The following KDM4C variants were observed in gnomAD, a reference collection of about 807,000 sequenced individuals.
The protein encoded by KDM4C is lysine demethylase 4C.
Under a neutral mutation model 129.3 loss-of-function variants are expected in KDM4C, and 81 were observed. That is an observed-to-expected ratio of 0.63 (90% CI 0.52 to 0.75). KDM4C has a LOEUF of 0.75. KDM4C is among the 30% of genes least tolerant of loss of function. The probability of loss-of-function intolerance (pLI) is 0.00; values close to 1 mark genes in which losing one functional copy is unlikely to be tolerated. For missense variants in KDM4C, 1,457 were observed against 1,304.0 expected, an observed-to-expected ratio of 1.12 and a Z score of -1.81; for synonymous variants, 573 against 456.1, an observed-to-expected ratio of 1.26 and a Z score of -3.26.
chr9:7,173,545 C>T (rs916405506), intron 21 of KDM4C, among the ~76,000 whole-genome samples: 5 of 152,144 alleles, frequency 3.3e-5, no homozygotes, highest in Admixed American at 3.3e-4. Context: ...GTTGGAGGTA[C>T]AGCATTTATT....
intron 8 of KDM4C, among the ~76,000 whole-genome samples, chr9:6,904,693 G>A (rs1206193858): frequency 6.6e-6 from 1 of 152,162 alleles, no homozygotes; most frequent in Non-Finnish European, 1.5e-5. Context: ...TTTACTGAAT[G>A]ACAGCATTTA....
intron 19 of KDM4C, among the ~76,000 whole-genome samples, chr9:7,146,094 T>C (rs985283761): frequency 2.0e-5 from 3 of 152,224 alleles, no homozygotes; most frequent in African/African-American, 7.2e-5. Flanking sequence ...ATTAAAATCA[T>C]GTTTTCAAAG....
intron 8 of KDM4C, among the ~76,000 whole-genome samples, chr9:6,965,737 A>T (rs112010071): frequency 0.011 from 1,674 of 152,288 alleles, 12 homozygotes; most frequent in Non-Finnish European, 0.016. Context: ...GTCTCATTCC[A>T]AGGCCCTTTC....
chr9:7,028,719 C>T lies in KDM4C; in HGVS notation c.2259+12790C>T, dbSNP rs1587036404. Among the ~76,000 whole-genome samples the T allele has an allele frequency of 2.6e-5, 4 of 152,130 alleles. No individual in the cohort carries two copies. In the East Asian group the frequency reaches 5.8e-4, roughly 22 times the overall value. On this transcript the variant is annotated intron_variant, in intron 15 of 21. Transcript: ENST00000381309. ...TTTCGCACCCCAGAGTACTCTAGCCCGTGGTGGCAAGGCTTGCTGGAACTG... is the reference window on the plus strand; with the variant it reads ...TTTCGCACCCCAGAGTACTCTAGCCTGTGGTGGCAAGGCTTGCTGGAACTG...
intron 8 of KDM4C, among the ~76,000 whole-genome samples, chr9:6,902,256 C>T (rs774856870): frequency 1.3e-5 from 2 of 152,142 alleles, no homozygotes; most frequent in Non-Finnish European, 2.9e-5. Context: ...ATTGTGCCCA[C>T]ATATTTCATG....
At chr9:7,082,111 G>A (rs1301364591) in intron 17 of KDM4C, among the ~76,000 whole-genome samples, 3 of 152,134 alleles carry the variant, frequency 2.0e-5, no homozygotes, top group Admixed American at 6.5e-5. Context: ...AGATTCTGCC[G>A]TGCCTCCAGG....
intron 8 of KDM4C, among the ~76,000 whole-genome samples, chr9:6,926,905 G>A (rs1822677110): frequency 6.6e-6 from 1 of 152,072 alleles, no homozygotes; most frequent in African/African-American, 2.4e-5. Context: ...TCATAAACAT[G>A]TCGAAGCTAT....
chr9:6,965,360 T>G (rs1830773543), intron 8 of KDM4C, among the ~76,000 whole-genome samples: 1 of 151,940 alleles, frequency 6.6e-6, no homozygotes, highest in Admixed American at 6.6e-5. Context: ...TATAGAGAGA[T>G]ATATATGACT....
At chr9:6,982,005 T>C (rs1816845626) in intron 9 of KDM4C, 1 of 154,218 alleles carries the variant, frequency 6.5e-6, no homozygotes, top group Non-Finnish European at 1.5e-5. Flanking sequence ...TATAATATTA[T>C]ATATCTTTCC....
At chr9:6,933,277 C>T (rs1589176929) in intron 8 of KDM4C, among the ~76,000 whole-genome samples, 2 of 152,064 alleles carry the variant, frequency 1.3e-5, no homozygotes, top group Admixed American at 1.3e-4. Flanking sequence ...GTTCTAAGCC[C>T]CTTGGTTTTT....
At chr9:7,043,604 C>T (rs186765320) in intron 15 of KDM4C, among the ~76,000 whole-genome samples, 28 of 151,864 alleles carry the variant, frequency 1.8e-4, no homozygotes, top group South Asian at 4.2e-4. Flanking sequence ...ATGTTTTTAC[C>T]AGATCAACTA....
At chr9:7,080,622 G>C (rs754580730) in intron 17 of KDM4C, among the ~76,000 whole-genome samples, 1 of 152,128 alleles carries the variant, frequency 6.6e-6, no homozygotes, top group South Asian at 2.1e-4. Context: ...GACTGCCTTT[G>C]TCTATTGGGT....
rs140044111 is a variant in KDM4C, at chr9:6,774,620, G to A, written c.-18+16417G>A. On this transcript the variant is annotated intron_variant, in intron 1 of 21. Transcript: ENST00000381309. ...GTGGAGATTGCAGTAAGCTGAGACTGTGCTACCGCACTCCAGCATGGGTGA... is the reference window on the plus strand; with the variant it reads ...GTGGAGATTGCAGTAAGCTGAGACTATGCTACCGCACTCCAGCATGGGTGA... 1.9e-3 allele frequency among the ~76,000 whole-genome samples: 293 copies of A among 152,220 alleles called. 3 individuals carry two copies. Among genetic ancestry groups the A allele is most frequent in the African/African-American group, 5.7e-3 (235 of 41,544 alleles).
intron 5 of KDM4C, among the ~76,000 whole-genome samples, chr9:6,865,812 G>T (rs141031685): frequency 6.6e-6 from 1 of 151,708 alleles, no homozygotes; most frequent in Admixed American, 6.6e-5. Context: ...GTGCAGTGGC[G>T]CAATCTCTGC....
intron 17 of KDM4C, among the ~76,000 whole-genome samples, chr9:7,099,271 A>G (rs4742310): frequency 0.36 from 54,306 of 152,140 alleles, 9,981 homozygotes; most frequent in Middle Eastern, 0.52. Flanking sequence ...AAAAGGGGGA[A>G]GGAGATGTGC....
At chr9:6,985,063 C>T in intron 10 of KDM4C, among the ~76,000 whole-genome samples, 1 of 152,178 alleles carries the variant, frequency 6.6e-6, no homozygotes, top group East Asian at 1.9e-4. Context: ...TGGGATTCCC[C>T]CCTCCGCCAG....
intron 17 of KDM4C, among the ~76,000 whole-genome samples, chr9:7,102,518 G>A (rs534043723): frequency 1.3e-5 from 2 of 152,178 alleles, no homozygotes; most frequent in African/African-American, 4.8e-5. Flanking sequence ...GCAAGACACC[G>A]TGGGCGGAGG....
chr9:7,060,541 G>A (rs1053134331), intron 17 of KDM4C, among the ~76,000 whole-genome samples: 6 of 151,242 alleles, frequency 4.0e-5, no homozygotes, highest in Non-Finnish European at 5.9e-5. Flanking sequence ...GAGTGCAGTG[G>A]TGCGATCTCG....
At chr9:7,151,366 T>C (rs1842710238) in intron 19 of KDM4C, among the ~76,000 whole-genome samples, 1 of 151,890 alleles carries the variant, frequency 6.6e-6, no homozygotes, top group Non-Finnish European at 1.5e-5. Flanking sequence ...CACAGCATCT[T>C]GGAGTTCAGA....
Sources: allele counts gnomAD v4.1 joint callset (sites outside exome capture counted in the v4.1 genomes callset), GRCh38; gene constraint gnomAD v4.1.1; transcripts MANE v1.5; gene names NCBI Gene and HGNC (gene_info 2026-07-23, HGNC 2026-07-21).